The following PCMTD1 variants were observed in gnomAD, a reference collection of about 807,000 sequenced individuals.
The protein encoded by PCMTD1 is protein-L-isoaspartate O-methyltransferase domain-containing protein 1.
Under a neutral mutation model 37.6 loss-of-function variants are expected in PCMTD1, and 12 were observed. That is an observed-to-expected ratio of 0.32 (90% CI 0.20 to 0.52). The LOEUF is 0.52. Among genes scored for constraint, PCMTD1 ranks in the 20% least tolerant of loss-of-function variants. The pLI is 0.97. For missense variants in PCMTD1, 235 were observed against 421.3 expected, an observed-to-expected ratio of 0.56 and a Z score of 3.87; for synonymous variants, 117 against 135.8, an observed-to-expected ratio of 0.86 and a Z score of 0.96.
At chr8:51,822,325 G>A (rs768487594) in intron 5 of PCMTD1, among the ~76,000 whole-genome samples, 18 of 151,374 alleles carry the variant, frequency 1.2e-4, no homozygotes, top group Non-Finnish European at 2.1e-4. Context: ...ATATTTTGAA[G>A]ATAGGATGGA....
chr8:51,871,232 G>GGT (rs1232382277), intron 1 of PCMTD1, among the ~76,000 whole-genome samples: 1 of 152,108 alleles, frequency 6.6e-6, no homozygotes, highest in Admixed American at 6.6e-5. Flanking sequence ...TGAAGTGAGA[G>GGT]GTGTCTAAAA....
intron 2 of PCMTD1, among the ~76,000 whole-genome samples, chr8:51,846,539 G>T (rs2038222941): frequency 6.6e-6 from 1 of 152,154 alleles, no homozygotes; most frequent in South Asian, 2.1e-4. Flanking sequence ...ACAAATTACA[G>T]TTAGTCCCTT....
At chr8:51,821,179 GC>G (rs1377389970) in intron 5 of PCMTD1, among the ~76,000 whole-genome samples, 1 of 152,190 alleles carries the variant, frequency 6.6e-6, no homozygotes, top group Non-Finnish European at 1.5e-5. Flanking sequence ...TCTCACTACA[GC>G]CCAGGCTGAA....
chr8:51,863,675 A>G (rs1234680787), intron 1 of PCMTD1, among the ~76,000 whole-genome samples: 1 of 152,156 alleles, frequency 6.6e-6, no homozygotes, highest in African/African-American at 2.4e-5. Context: ...TAATCCCAAC[A>G]CTTTGGGAGG....
At chr8:51,836,414 T>C (rs2038067328) in intron 3 of PCMTD1, among the ~76,000 whole-genome samples, 1 of 152,300 alleles carries the variant, frequency 6.6e-6, no homozygotes, top group Admixed American at 6.5e-5. Flanking sequence ...TAAATAACTA[T>C]CCTTTTACTT....
intron 1 of PCMTD1, 91 bp downstream of exon 1, chr8:51,898,839 G>A: frequency 8.5e-7 from 1 of 1,183,408 alleles, no homozygotes; most frequent in Non-Finnish European, 1.1e-6. Context: ...TGGCCCTCTG[G>A]CCTCCAAGCG....
intron 1 of PCMTD1, among the ~76,000 whole-genome samples, chr8:51,898,257 G>A (rs1215087070): frequency 6.6e-6 from 1 of 152,064 alleles, no homozygotes; most frequent in Non-Finnish European, 1.5e-5. Flanking sequence ...AAAAATCTTG[G>A]ATTTGCAAAA....
At chr8:51,867,345 T>C (rs910138524) in intron 1 of PCMTD1, among the ~76,000 whole-genome samples, 2 of 152,040 alleles carry the variant, frequency 1.3e-5, no homozygotes, top group African/African-American at 4.8e-5. Context: ...TCTGAGTCTA[T>C]ATCCAAAAAG....
At position 51,883,315 on chromosome 8, in the gene PCMTD1, A is replaced by G. The variant is rs369250239; in HGVS notation, c.-96+15615T>C. 9.2e-5 allele frequency among the ~76,000 whole-genome samples: 14 copies of G among 152,328 alleles called. No individual in the cohort carries two copies. In the East Asian group the frequency reaches 1.7e-3, roughly 19 times the overall value. On this transcript the variant is annotated intron_variant, in intron 1 of 5. Coordinates refer to ENST00000522514, the MANE Select transcript of PCMTD1 (RefSeq NM_052937.4). ...ATGGCCTGAATTAAATTAAGTAGCA[A>G]AGACTGTAGTACAGATGCCACAGTT...
chr8:51,834,704 C>G (rs1391384291), intron 3 of PCMTD1, among the ~76,000 whole-genome samples: 1 of 148,660 alleles, frequency 6.7e-6, no homozygotes, highest in Non-Finnish European at 1.5e-5. Flanking sequence ...AAAATATACC[C>G]TGTCCTTTAG....
chr8:51,827,332 C>A (rs1299437823), intron 5 of PCMTD1: 1 of 1,158,920 alleles, frequency 8.6e-7, no homozygotes, highest in African/African-American at 1.6e-5. Context: ...TCACTTTCCA[C>A]GGTTTCCGCT....
At chr8:51,831,246 C>T (rs2037993631) in intron 5 of PCMTD1, among the ~76,000 whole-genome samples, 198 bp downstream of exon 5, 1 of 151,300 alleles carries the variant, frequency 6.6e-6, no homozygotes, top group Non-Finnish European at 1.5e-5. Flanking sequence ...TGCTGTGAGC[C>T]GACATGGCAC....
intron 1 of PCMTD1, among the ~76,000 whole-genome samples, chr8:51,866,052 T>C (rs2038550217): frequency 6.7e-6 from 1 of 149,754 alleles, no homozygotes; most frequent in Non-Finnish European, 1.5e-5. Flanking sequence ...AAGAAATCAA[T>C]CCCATTTACA....
chr8:51,845,653 ATACT>A lies in PCMTD1; in HGVS notation c.410+4_410+7del, dbSNP rs773820895. ...TTTTAAACCAAAACTATAGATATGA[ATACT>A]TACTTATCAAAGCTATCACTATTTT... On this transcript the variant is annotated splice_donor_5th_base_variant and intron_variant, in intron 3 of 5. Transcript: ENST00000522514. 6.3e-7 allele frequency: 1 copy of A among 1,593,874 alleles called. No homozygotes were observed. The highest frequency in any genetic ancestry group is 1.1e-5 in the South Asian group (1 of 90,630).
intron 2 of PCMTD1, among the ~76,000 whole-genome samples, chr8:51,855,285 T>TG: frequency 6.7e-6 from 1 of 148,564 alleles, no homozygotes; most frequent in East Asian, 2.0e-4. Flanking sequence ...CCCAGCACTT[T>TG]GGGAGGCCAA....
chr8:51,884,147 T>C (rs1042103518), intron 1 of PCMTD1, among the ~76,000 whole-genome samples: 3 of 152,170 alleles, frequency 2.0e-5, no homozygotes, highest in African/African-American at 7.2e-5. Flanking sequence ...GAACATTACC[T>C]ATCAGTTGAG....
rs2038984815 is a variant in PCMTD1, at chr8:51,895,324, A to T, written c.-96+3606T>A. Reference sequence around the variant, plus strand: ...AATGCTCATTATAACTTTAGATTATAAACTGAACTGACTTCATCAATTGAT... The same window carrying T: ...AATGCTCATTATAACTTTAGATTATTAACTGAACTGACTTCATCAATTGAT... On this transcript the variant is annotated intron_variant, in intron 1 of 5. Transcript: ENST00000522514. Among the ~76,000 whole-genome samples the T allele has an allele frequency of 2.0e-5, 3 of 152,254 alleles. No individual in the cohort carries two copies. The South Asian group carries it at 6.2e-4, about 31-fold the overall frequency.
At chr8:51,872,767 C>G (rs1008404781) in intron 1 of PCMTD1, among the ~76,000 whole-genome samples, 2 of 152,160 alleles carry the variant, frequency 1.3e-5, no homozygotes, top group Non-Finnish European at 2.9e-5. Flanking sequence ...TATCTGTTCC[C>G]TTCCATGAAT....
At chr8:51,878,257 T>TTTG (rs1162629055) in intron 1 of PCMTD1, among the ~76,000 whole-genome samples, 21 of 149,988 alleles carry the variant, frequency 1.4e-4, no homozygotes, top group Non-Finnish European at 2.8e-4. Context: ...TTGGTTTTTT[T>TTTG]TTTTTTTTAG....
Sources: gnomAD v4.1 joint callset for allele counts (sites outside exome capture counted in the v4.1 genomes callset) on GRCh38, gnomAD v4.1.1 for gene constraint, MANE v1.5 for transcripts, NCBI Gene and HGNC (gene_info 2026-07-23, HGNC 2026-07-21) for gene names.